M1AP: variants seen among roughly 807,000 people sequenced by gnomAD.
The protein encoded by M1AP is meiosis 1 associated protein, also known as meiosis 1 arrest protein.
Under a neutral mutation model 51.2 loss-of-function variants are expected in M1AP, and 39 were observed. That is an observed-to-expected ratio of 0.76 (90% CI 0.59 to 1.00). The LOEUF is 1.00. M1AP is among the 50% of genes least tolerant of loss of function. The pLI, the probability that M1AP is intolerant of heterozygous loss-of-function variation, is 0.00. For missense variants in M1AP, 545 were observed against 641.2 expected, an observed-to-expected ratio of 0.85 and a Z score of 1.62; for synonymous variants, 251 against 249.2, an observed-to-expected ratio of 1.01 and a Z score of -0.07.
chr2:74,625,626 G>A (rs1053076452), intron 2 of M1AP, among the ~76,000 whole-genome samples: 9 of 152,044 alleles, frequency 5.9e-5, no homozygotes, highest in Admixed American at 2.6e-4. Flanking sequence ...TTAGTAAAGG[G>A]CACTGGAGGG....
At chr2:74,638,568 G>A (rs1439145757) in intron 2 of M1AP, among the ~76,000 whole-genome samples, 2 of 152,024 alleles carry the variant, frequency 1.3e-5, no homozygotes, top group African/African-American at 4.8e-5. Flanking sequence ...CTTCTTCATT[G>A]CTCTCTCTCT....
At chr2:74,587,061 A>G (rs767508937) in intron 4 of M1AP, among the ~76,000 whole-genome samples, 3 of 152,148 alleles carry the variant, frequency 2.0e-5, no homozygotes, top group Admixed American at 1.3e-4. Context: ...ATAGTACAAC[A>G]TATTTCTTAG....
chr2:74,591,345 T>C (rs1680025295), intron 4 of M1AP, among the ~76,000 whole-genome samples: 1 of 152,242 alleles, frequency 6.6e-6, no homozygotes, highest in African/African-American at 2.4e-5. Flanking sequence ...GATTGAAATA[T>C]TCCAAAGTCT....
At chr2:74,565,548 G>C (rs1678319158) in intron 7 of M1AP, among the ~76,000 whole-genome samples, 1 of 152,050 alleles carries the variant, frequency 6.6e-6, no homozygotes. Flanking sequence ...ACATTTGGCA[G>C]CCGGGCGTGG....
chr2:74,643,774 T>C (rs961811368), intron 1 of M1AP, among the ~76,000 whole-genome samples: 5 of 151,988 alleles, frequency 3.3e-5, no homozygotes, highest in African/African-American at 1.2e-4. Flanking sequence ...GTGTGTTTTT[T>C]TGGTAGAGAC....
At chr2:74,577,566 A>C (rs1261345359) in intron 5 of M1AP, among the ~76,000 whole-genome samples, 1 of 152,216 alleles carries the variant, frequency 6.6e-6, no homozygotes, top group Non-Finnish European at 1.5e-5. Flanking sequence ...AACAACATAG[A>C]AAAAAATAGA....
At chr2:74,573,068 A>G (rs1238549055) in intron 7 of M1AP, among the ~76,000 whole-genome samples, 1 of 151,896 alleles carries the variant, frequency 6.6e-6, no homozygotes, top group Admixed American at 6.6e-5. Flanking sequence ...TTTTTTTGAG[A>G]CAGAGTCTCA....
Position 74,575,425 on chromosome 2 carries a change from C to T in M1AP, c.1074+13G>A. The T allele has an allele frequency of 1.2e-6, 2 of 1,613,834 alleles. No individual in the cohort carries two copies. The highest frequency in any genetic ancestry group is 1.7e-6 in the Non-Finnish European group (2 of 1,179,916). Reference sequence around the variant, plus strand: ...ACGATTCTTCTTTTTCACCTGGGGACATGGGTACTCACCAGCAGGCTGTGA... The same window carrying T: ...ACGATTCTTCTTTTTCACCTGGGGATATGGGTACTCACCAGCAGGCTGTGA... On this transcript the variant is annotated intron_variant, in intron 7 of 10. Coordinates refer to ENST00000421985, the MANE Select transcript of M1AP (RefSeq NM_001321739.2).
At chr2:74,619,484 A>AT (rs1681878388) in intron 2 of M1AP, 1 of 152,610 alleles carries the variant, frequency 6.6e-6, no homozygotes, top group African/African-American at 2.4e-5. Flanking sequence ...AAGACTTAAG[A>AT]TCAGAGCTCC....
At chr2:74,612,548 T>G (rs1339254380) in intron 3 of M1AP, among the ~76,000 whole-genome samples, 4 of 152,154 alleles carry the variant, frequency 2.6e-5, no homozygotes, top group Non-Finnish European at 4.4e-5. Flanking sequence ...TTTTTTTCCT[T>G]CTAGTAATTT....
In M1AP at chr2:74,575,552, C is replaced by T. The variant is rs1679011693; in HGVS notation, c.960G>A (p.Glu320=). 7 of 1,614,142 alleles carry T rather than the reference C, an allele frequency of 4.3e-6. No homozygotes were observed. Among genetic ancestry groups the T allele is most frequent in the Non-Finnish European group, 5.9e-6 (7 of 1,180,008 alleles). ...TGAACGGGAGTCCATATGTCAATGA[C>T]TCGCAGAGCCCGCTAGATTTTAAAG... ...IKALKSSGLC[E]SLTYGLPFIL... The change falls in exon 7 of 11, where the codon GAG becomes GAA. Residue 320 remains glutamate, a synonymous_variant. Transcript: ENST00000421985.
chr2:74,572,842 G>A (rs913475653), intron 7 of M1AP, among the ~76,000 whole-genome samples: 1 of 152,152 alleles, frequency 6.6e-6, no homozygotes, highest in Non-Finnish European at 1.5e-5. Context: ...CTACATCCCT[G>A]CCCTTTTCCA....
chr2:74,647,690 G>A lies in M1AP; in HGVS notation c.-53+575C>T, dbSNP rs1683688543. ...GGGCGGATCACGAGGTCAGGAGTTCGAGAGCAGCCTGGCCAACATAGGGAA... is the reference window on the plus strand; with the variant it reads ...GGGCGGATCACGAGGTCAGGAGTTCAAGAGCAGCCTGGCCAACATAGGGAA... On this transcript the variant is annotated intron_variant, in intron 1 of 10. Transcript: ENST00000421985. Among the ~76,000 whole-genome samples, 3 of 152,152 alleles carry A rather than the reference G, an allele frequency of 2.0e-5. No homozygotes were observed. The South Asian group carries it at 6.2e-4, about 32-fold the overall frequency.
At position 74,562,019 on chromosome 2, in the gene M1AP, C is replaced by T. The variant is rs549744223; in HGVS notation, c.1281+198G>A. ...TCATTTCCCTCCATTCTATTTCACT[C>T]CTTACCCTGCTGCCATAATCTAAGT... On this transcript the variant is annotated intron_variant, in intron 8 of 10. Transcript: ENST00000421985. 35 of 985,438 alleles carry T rather than the reference C, an allele frequency of 3.6e-5. No individual in the cohort carries two copies. In the East Asian group the frequency reaches 3.7e-3, roughly 105 times the overall value. 61.0% of individuals were successfully genotyped at this position (985,438 alleles called of 1,614,324 possible).
chr2:74,565,201 C>T (rs556419507), intron 7 of M1AP, among the ~76,000 whole-genome samples: 13 of 150,844 alleles, frequency 8.6e-5, no homozygotes, highest in Non-Finnish European at 1.6e-4. Context: ...CCAGCCTGGG[C>T]GACAGAGCGG....
intron 4 of M1AP, among the ~76,000 whole-genome samples, chr2:74,588,779 T>C (rs1015236332): frequency 2.0e-5 from 3 of 152,218 alleles, no homozygotes; most frequent in African/African-American, 7.2e-5. Flanking sequence ...ACCATAACTG[T>C]AATGAGATAG....
intron 7 of M1AP, among the ~76,000 whole-genome samples, chr2:74,565,835 A>G: frequency 6.8e-6 from 1 of 147,526 alleles, no homozygotes; most frequent in African/African-American, 2.6e-5. Context: ...TCACACACAC[A>G]CACACACACA....
intron 2 of M1AP, chr2:74,620,698 C>T (rs1192536222): frequency 9.2e-6 from 2 of 216,218 alleles, no homozygotes; most frequent in African/African-American, 4.6e-5. Flanking sequence ...AGTTTTTTAT[C>T]TTTTGCTCAT....
intron 1 of M1AP, chr2:74,647,530 C>T (rs1358726161): frequency 2.6e-6 from 1 of 387,118 alleles, no homozygotes; most frequent in African/African-American, 2.2e-5. Context: ...AATCTCATTT[C>T]CCCCTCCTGA....
Sources: allele counts gnomAD v4.1 joint callset (sites outside exome capture counted in the v4.1 genomes callset), GRCh38; gene constraint gnomAD v4.1.1; transcripts MANE v1.5; gene names NCBI Gene and HGNC (gene_info 2026-07-23, HGNC 2026-07-21).